The following BTBD9 variants were observed in gnomAD, a reference collection of about 807,000 sequenced individuals.
The protein encoded by BTBD9 is BTB/POZ domain-containing protein 9.
Under a neutral mutation model 64.3 loss-of-function variants are expected in BTBD9, and 49 were observed. That is an observed-to-expected ratio of 0.76 (90% CI 0.61 to 0.97). The LOEUF is 0.97. Ranked by LOEUF, BTBD9 falls within the 50% of genes least tolerant of loss-of-function variation. The pLI, the probability that BTBD9 is intolerant of heterozygous loss-of-function variation, is 0.00. For synonymous variants in BTBD9, 260 were observed against 274.7 expected (o/e 0.95, Z 0.53); for missense variants, 598 against 762.1 (o/e 0.78, Z 2.53).
At chr6:38,503,330 G>A (rs1310380527) in intron 6 of BTBD9, among the ~76,000 whole-genome samples, 1 of 152,016 alleles carries the variant, frequency 6.6e-6, no homozygotes, top group African/African-American at 2.4e-5. Context: ...CTCTCCAGGA[G>A]ACGGCCCAGG....
intron 7 of BTBD9, 135 bp downstream of exon 7, chr6:38,344,849 C>T (rs1764220627): frequency 6.2e-6 from 3 of 486,784 alleles, no homozygotes; most frequent in South Asian, 5.1e-5. Flanking sequence ...TAAGCCATTC[C>T]CTATGTCACC....
At chr6:38,416,892 GCAGGTCC>G (rs770996765) in intron 6 of BTBD9, among the ~76,000 whole-genome samples, 1 of 152,128 alleles carries the variant, frequency 6.6e-6, no homozygotes, top group Non-Finnish European at 1.5e-5. Flanking sequence ...TGTGTGACAT[GCAGGTCC>G]CAGCCTTTGC....
intron 6 of BTBD9, among the ~76,000 whole-genome samples, chr6:38,519,639 G>T (rs137875748): frequency 6.9e-4 from 105 of 151,920 alleles, no homozygotes; most frequent in African/African-American, 2.5e-3. Flanking sequence ...AGTGCTGTGA[G>T]CAATAGCTCA....
At chr6:38,300,413 G>C (rs554040442) in intron 7 of BTBD9, among the ~76,000 whole-genome samples, 1 of 152,284 alleles carries the variant, frequency 6.6e-6, no homozygotes, top group Admixed American at 6.5e-5. Context: ...TTGGAAGCTT[G>C]ATGGGGATGG....
At chr6:38,406,354 A>G (rs545918368) in intron 6 of BTBD9, among the ~76,000 whole-genome samples, 4 of 152,270 alleles carry the variant, frequency 2.6e-5, no homozygotes, top group African/African-American at 9.6e-5. Flanking sequence ...GTGTTTTTTT[A>G]ATCTCCAAAT....
chr6:38,587,760 G>A (rs1265006924), intron 4 of BTBD9: 3 of 698,960 alleles, frequency 4.3e-6, no homozygotes, highest in Non-Finnish European at 8.2e-6. Flanking sequence ...TGAATGGTAG[G>A]GAAGAAAAGC....
In BTBD9 at chr6:38,428,774, G is replaced by A. The variant is rs796079342; in HGVS notation, c.1155-83681C>T. Among the ~76,000 whole-genome samples, 21 of 149,262 alleles carry A rather than the reference G, an allele frequency of 1.4e-4. 2 individuals are homozygous for A. Among genetic ancestry groups the A allele is most frequent in the South Asian group, 4.2e-4 (2 of 4,714 alleles). The stretch of plus-strand genomic sequence containing the variant: ...GTTGCCCAGGCTGGAGTGCAGTGGC[G>A]CGATCTCGGCTCACTGCAAACTCTG... On this transcript the variant is annotated intron_variant, in intron 6 of 10. Coordinates refer to ENST00000481247, the MANE Select transcript of BTBD9 (RefSeq NM_001099272.2).
At chr6:38,564,267 C>G (rs1341559621) in intron 6 of BTBD9, among the ~76,000 whole-genome samples, 1 of 152,196 alleles carries the variant, frequency 6.6e-6, no homozygotes, top group Non-Finnish European at 1.5e-5. Context: ...ATCTGACTCT[C>G]CTACTAAGCT....
At chr6:38,287,026 G>A (rs1174766763) in intron 8 of BTBD9, among the ~76,000 whole-genome samples, 1 of 129,924 alleles carries the variant, frequency 7.7e-6, no homozygotes, top group East Asian at 2.5e-4. Flanking sequence ...AGGTTGCGGT[G>A]AGCCAAGATC....
intron 10 of BTBD9, among the ~76,000 whole-genome samples, chr6:38,177,869 A>G (rs1329143456): frequency 2.0e-5 from 3 of 152,218 alleles, no homozygotes; most frequent in Admixed American, 2.0e-4. Flanking sequence ...GCCAATCTCA[A>G]CTGCTTCTGT....
chr6:38,616,626 G>A (rs1055339650), intron 1 of BTBD9, among the ~76,000 whole-genome samples: 1 of 152,088 alleles, frequency 6.6e-6, no homozygotes, highest in Non-Finnish European at 1.5e-5. Flanking sequence ...TCAGTGCTCT[G>A]TAAAATGCAC....
chr6:38,565,084 T>G (rs1233507718), intron 6 of BTBD9, among the ~76,000 whole-genome samples: 4 of 152,322 alleles, frequency 2.6e-5, no homozygotes, highest in Admixed American at 2.0e-4. Flanking sequence ...AAATTCTTCT[T>G]GATTTTTTTT....
intron 6 of BTBD9, among the ~76,000 whole-genome samples, chr6:38,406,904 T>C (rs867873022): frequency 1.1e-4 from 17 of 152,252 alleles, no homozygotes; most frequent in Middle Eastern, 6.8e-3. Context: ...TGCCTGGCTA[T>C]GATTATCACC....
chr6:38,639,363 C>T (rs1371688556), intron 1 of BTBD9, among the ~76,000 whole-genome samples: 7 of 152,190 alleles, frequency 4.6e-5, no homozygotes, highest in Non-Finnish European at 7.3e-5. Context: ...CCAGCTCCTA[C>T]TCAGAGGCTG....
In BTBD9 at chr6:38,175,049, C is replaced by T; in HGVS notation, c.1775G>A (p.Ser592Asn). 2 of 1,614,218 alleles carry T rather than the reference C, an allele frequency of 1.2e-6. No homozygotes were observed. Among genetic ancestry groups the T allele is most frequent in the African/African-American group, 1.3e-5 (1 of 75,068 alleles). ...TGGGCTGGAGGGTAGTGAGCTGCCA[C>T]TAGGCGCCCGCAGCGCATGGGAGTC... ...QLDSHALRAP[S>N]GSSLPSSPGS... is the part of the protein sequence containing the mutation. The change falls in exon 11 of 11, where the codon AGT (serine) becomes AAT (asparagine). Residue 592 changes from serine (S) to asparagine (N), a missense_variant. Physicochemically the swap from Ser to Asn is conservative, Grantham distance 46 (BLOSUM62 1). Coordinates refer to ENST00000481247, the MANE Select transcript of BTBD9 (RefSeq NM_001099272.2).
intron 4 of BTBD9, among the ~76,000 whole-genome samples, chr6:38,586,653 A>AACTTCTGTCAAT (rs1776541849): frequency 1.3e-5 from 2 of 152,240 alleles, no homozygotes; most frequent in Non-Finnish European, 2.9e-5. Context: ...ACTTCAAAAT[A>AACTTCTGTCAAT]AACAGACCTA....
At chr6:38,565,043 C>A (rs1361025926) in intron 6 of BTBD9, among the ~76,000 whole-genome samples, 1 of 152,074 alleles carries the variant, frequency 6.6e-6, no homozygotes, top group Non-Finnish European at 1.5e-5. Context: ...TATGTCATTC[C>A]ATTTCCTAGC....
At chr6:38,553,727 T>C (rs1025848584) in intron 6 of BTBD9, among the ~76,000 whole-genome samples, 2 of 152,048 alleles carry the variant, frequency 1.3e-5, no homozygotes, top group African/African-American at 4.8e-5. Flanking sequence ...TGTTGTGGCA[T>C]GTGTAGTCCC....
chr6:38,298,908 AG>A (rs1338283823), intron 7 of BTBD9, among the ~76,000 whole-genome samples: 1 of 150,510 alleles, frequency 6.6e-6, no homozygotes, highest in African/African-American at 2.5e-5. Context: ...CACAACGTGC[AG>A]GTTTGTTACA....
Sources: allele counts gnomAD v4.1 joint callset (sites outside exome capture counted in the v4.1 genomes callset), GRCh38; gene constraint gnomAD v4.1.1; transcripts MANE v1.5; gene names NCBI Gene and HGNC (gene_info 2026-07-23, HGNC 2026-07-21).